Variants in KLHL36 observed in about 807,000 individuals in gnomAD.
KLHL36 encodes kelch-like protein 36.
Under a neutral mutation model 53.3 loss-of-function variants are expected in KLHL36, and 35 were observed. The observed-to-expected ratio is 0.66, with a 90% confidence interval of 0.50 to 0.87. KLHL36 has a LOEUF of 0.87. Ranked by LOEUF, KLHL36 falls within the 40% of genes least tolerant of loss-of-function variation. KLHL36 has a pLI of 0.00. For synonymous variants in KLHL36, 472 were observed against 398.9 expected (o/e 1.18, Z -2.18); for missense variants, 864 against 897.6 (o/e 0.96, Z 0.48).
chr16:84,650,158 A>G (rs967703421), intron 1 of KLHL36, among the ~76,000 whole-genome samples: 5 of 152,164 alleles, frequency 3.3e-5, no homozygotes, highest in African/African-American at 1.2e-4. Context: ...CTCCAGTCAC[A>G]GTGCTGGCCT....
rs767379075 is a variant in KLHL36 at position 84,661,908 on chromosome 16, A to G, written c.1626A>G (p.Ala542=). The G allele has an allele frequency of 5.0e-6, 8 of 1,599,034 alleles. No homozygotes were observed. The South Asian group carries it at 5.5e-5, about 11-fold the overall frequency. Residue 542 remains alanine, a synonymous_variant, in exon 5 of 5, where the codon GCA becomes GCG. Transcript: ENST00000564996. The surrounding 1 kb of genome is among the most constrained non-coding windows in gnomAD (Gnocchi z 7.9). The part of the protein sequence containing the change: ...LLHANSESGV[A]VWEGRIYILG... Reference sequence around the variant, plus strand: ...ACGCCAACAGCGAGTCGGGCGTGGCAGTGTGGGAGGGCCGCATCTACATCC... The same window carrying G: ...ACGCCAACAGCGAGTCGGGCGTGGCGGTGTGGGAGGGCCGCATCTACATCC...
chr16:84,661,919 G>A lies in KLHL36; in HGVS notation c.1637G>A (p.Gly546Asp). Residue 546 changes from glycine (G) to aspartate (D), a missense_variant, in exon 5 of 5, where the codon GGC (glycine) becomes GAC (aspartate). Coordinates refer to ENST00000564996, the MANE Select transcript of KLHL36 (RefSeq NM_024731.4). The surrounding 1 kb of genome is among the most constrained non-coding windows in gnomAD (Gnocchi z 7.9). ...GAGTCGGGCGTGGCAGTGTGGGAGG[G>A]CCGCATCTACATCCTGGGCGGCTAC... ...NSESGVAVWE[G>D]RIYILGGYSW... 1 of 1,601,040 alleles carries A rather than the reference G, an allele frequency of 6.2e-7. No homozygotes were observed. Among genetic ancestry groups the A allele is most frequent in the Non-Finnish European group, 8.5e-7 (1 of 1,172,642 alleles).
Position 84,663,069 on chromosome 16 carries a change from G to A in KLHL36, c.*936G>A, listed in dbSNP as rs1907653500. ...GCTATGGAATTTGCCATCGTTCTCT[G>A]TGACTCTATCTTGAGGCGCTGTTGA... On this transcript the variant is annotated 3_prime_UTR_variant, in exon 5 of 5. Coordinates refer to ENST00000564996, the MANE Select transcript of KLHL36 (RefSeq NM_024731.4). The A allele has an allele frequency of 6.6e-6, 1 of 151,462 alleles. No homozygotes were observed. Among genetic ancestry groups the A allele is most frequent in the African/African-American group, 2.4e-5 (1 of 41,142 alleles). 9.4% of individuals were successfully genotyped at this position (151,462 alleles called of 1,614,324 possible).
rs1468261900 is a variant in KLHL36 at position 84,661,883 on chromosome 16, A to G, written c.1601A>G (p.His534Arg). Residue 534 changes from histidine (H) to arginine (R), a missense_variant, in exon 5 of 5, where the codon CAC (histidine) becomes CGC (arginine). Physicochemically the swap from His to Arg is conservative, Grantham distance 29. Coordinates refer to ENST00000564996, the MANE Select transcript of KLHL36 (RefSeq NM_024731.4). This position sits in a 1 kb window ranked among gnomAD's most constrained non-coding sequence, Gnocchi z 7.9. ...TGGACCCGCGTGGCGCCGCTGCTGC[A>G]CGCCAACAGCGAGTCGGGCGTGGCA... is the stretch of plus-strand genomic sequence containing the variant. Reference protein sequence around the residue: ...NQWTRVAPLLHANSESGVAVW... With the variant: ...NQWTRVAPLLRANSESGVAVW... The G allele has an allele frequency of 1.6e-5, 26 of 1,600,664 alleles. No individual in the cohort carries two copies. Among genetic ancestry groups the G allele is most frequent in the Non-Finnish European group, 2.1e-5 (25 of 1,170,042 alleles).
chr16:84,649,361 T>C (rs1906682017), intron 1 of KLHL36: 1 of 152,400 alleles, frequency 6.6e-6, no homozygotes, highest in African/African-American at 2.4e-5. Flanking sequence ...TTAGAAGGCC[T>C]GGTTGATTCT....
In KLHL36 at chr16:84,666,457, C is replaced by G. The variant is rs1171108078; in HGVS notation, c.*4324C>G. The G allele has an allele frequency of 3.3e-5, 5 of 152,190 alleles. No individual in the cohort carries two copies. Among genetic ancestry groups the G allele is most frequent in the Non-Finnish European group, 7.3e-5 (5 of 68,068 alleles). 9.4% of individuals were successfully genotyped at this position (152,190 alleles called of 1,614,324 possible). A position where few individuals can be genotyped will look rare whatever the true frequency, so the allele number is the denominator to read the frequency against. On this transcript the variant is annotated 3_prime_UTR_variant, in exon 5 of 5. Transcript: ENST00000564996. ...CTCATTTGCCAAGAGGAAACCTTAA[C>G]CCCCCTGAGAGGGTCTGCGTTTCTT...
At position 84,663,967 on chromosome 16, in the gene KLHL36, A is replaced by G. The variant is rs1907700310; in HGVS notation, c.*1834A>G. 6.6e-6 allele frequency: 1 copy of G among 152,180 alleles called. No homozygotes were observed. The highest frequency in any genetic ancestry group is 1.5e-5 in the Non-Finnish European group (1 of 68,054). 9.4% of individuals were successfully genotyped at this position (152,180 alleles called of 1,614,324 possible). On this transcript the variant is annotated 3_prime_UTR_variant, in exon 5 of 5. Transcript: ENST00000564996. ...GTCCCTGGAGGCTTACAAACTGTTGAGAGGTTCTGCGAGGCATACAAACAA... is the reference window on the plus strand; with the variant it reads ...GTCCCTGGAGGCTTACAAACTGTTGGGAGGTTCTGCGAGGCATACAAACAA...
rs1907546462 is a variant in KLHL36 at position 84,661,547 on chromosome 16, C to T, written c.1296-31C>T. On this transcript the variant is annotated intron_variant, in intron 4 of 4. Coordinates refer to ENST00000564996, the MANE Select transcript of KLHL36 (RefSeq NM_024731.4). The surrounding 1 kb of genome is among the most constrained non-coding windows in gnomAD (Gnocchi z 7.9). The stretch of plus-strand genomic sequence containing the variant: ...GGTAAGCCTGGCACAGCCCTGAGCT[C>T]TCCCTCTGTCTCTGCCCGTCGACCC... The T allele has an allele frequency of 1.3e-6, 2 of 1,547,790 alleles. No individual in the cohort carries two copies. Among genetic ancestry groups the T allele is most frequent in the Non-Finnish European group, 1.7e-6 (2 of 1,143,040 alleles).
chr16:84,662,217 A>G lies in KLHL36; in HGVS notation c.*84A>G. 2.5e-6 allele frequency: 3 copies of G among 1,216,986 alleles called. No individual in the cohort carries two copies. Among genetic ancestry groups the G allele is most frequent in the Non-Finnish European group, 3.3e-6 (3 of 899,222 alleles). The allele number at this position is 1,216,986 out of a possible 1,614,324, so 75.4% of individuals were successfully genotyped here. Reference sequence around the variant, plus strand: ...GCAGCAACTTCTTAGTATTCCGGAAACATTATGTACAACTTAGCAGCTTTT... The same window carrying G: ...GCAGCAACTTCTTAGTATTCCGGAAGCATTATGTACAACTTAGCAGCTTTT... On this transcript the variant is annotated 3_prime_UTR_variant, in exon 5 of 5. Coordinates refer to ENST00000564996, the MANE Select transcript of KLHL36 (RefSeq NM_024731.4).
rs1304256169 is a variant in KLHL36, at chr16:84,664,699, G to T, written c.*2566G>T. On this transcript the variant is annotated 3_prime_UTR_variant, in exon 5 of 5. Coordinates refer to ENST00000564996, the MANE Select transcript of KLHL36 (RefSeq NM_024731.4). ...TGTGACAAGAAAGGTTTTTGAGCTT[G>T]TTGGGGTCAGTGGATGGGCACAAGG... 1 of 152,238 alleles carries T rather than the reference G, an allele frequency of 6.6e-6. No individual in the cohort carries two copies. Among genetic ancestry groups the T allele is most frequent in the Non-Finnish European group, 1.5e-5 (1 of 68,052 alleles). The allele number at this position is 152,238 out of a possible 1,614,324, so 9.4% of individuals were successfully genotyped here.
chr16:84,651,010 C>A, intron 2 of KLHL36, 80 bp downstream of exon 2: 4 of 1,223,142 alleles, frequency 3.3e-6, no homozygotes, highest in Non-Finnish European at 4.7e-6. Flanking sequence ...TTTCTAATCA[C>A]AGACTGATTT....
chr16:84,653,000 G>T (rs9941047), intron 2 of KLHL36, among the ~76,000 whole-genome samples: 1 of 151,742 alleles, frequency 6.6e-6, no homozygotes, highest in Non-Finnish European at 1.5e-5. Context: ...GGAGGATCTC[G>T]TAAGCTCGGA....
chr16:84,652,459 C>A (rs186047148), intron 2 of KLHL36, among the ~76,000 whole-genome samples: 1 of 152,102 alleles, frequency 6.6e-6, no homozygotes, highest in Non-Finnish European at 1.5e-5. Flanking sequence ...TTAGTAGAGA[C>A]GGGGTTTCAC....
At chr16:84,660,455 T>C (rs1344592152) in intron 4 of KLHL36, among the ~76,000 whole-genome samples, 1 of 152,138 alleles carries the variant, frequency 6.6e-6, no homozygotes, top group African/African-American at 2.4e-5. Flanking sequence ...TGCGTTCCGA[T>C]GTGCATGTAT....
At position 84,661,429 on chromosome 16, in the gene KLHL36, A is replaced by G. The variant is rs1423098309; in HGVS notation, c.1296-149A>G. Reference sequence around the variant, plus strand: ...TGCCATTTCTTTGCTAATGACGGCTACTGTCTATAGAGTGTTCATGGGGTG... The same window carrying G: ...TGCCATTTCTTTGCTAATGACGGCTGCTGTCTATAGAGTGTTCATGGGGTG... On this transcript the variant is annotated intron_variant, in intron 4 of 4. Coordinates refer to ENST00000564996, the MANE Select transcript of KLHL36 (RefSeq NM_024731.4). This position sits in a 1 kb window ranked among gnomAD's most constrained non-coding sequence, Gnocchi z 7.9. 5.7e-6 allele frequency: 4 copies of G among 705,102 alleles called. No homozygotes were observed. Among genetic ancestry groups the G allele is most frequent in the Non-Finnish European group, 6.8e-6 (3 of 443,888 alleles). The allele number at this position is 705,102 out of a possible 1,614,324, so 43.7% of individuals were successfully genotyped here.
At chr16:84,649,430 C>G (rs1217464001) in intron 1 of KLHL36, 2 of 152,348 alleles carry the variant, frequency 1.3e-5, no homozygotes, top group Non-Finnish European at 2.9e-5. Context: ...GTTCTGTGAC[C>G]TTGGGCAACC....
chr16:84,652,643 C>A (rs896900938), intron 2 of KLHL36, among the ~76,000 whole-genome samples: 2 of 152,148 alleles, frequency 1.3e-5, no homozygotes, highest in African/African-American at 4.8e-5. Context: ...TTGCCAGCAC[C>A]CAGATGGGTA....
chr16:84,661,559 C>G lies in KLHL36; in HGVS notation c.1296-19C>G, dbSNP rs1372743619. The G allele has an allele frequency of 3.2e-6, 5 of 1,557,564 alleles. No individual in the cohort carries two copies. Among genetic ancestry groups the G allele is most frequent in the Admixed American group, 1.8e-5 (1 of 55,792 alleles). ...ACAGCCCTGAGCTCTCCCTCTGTCT[C>G]TGCCCGTCGACCCTGCAGGTTCACG... On this transcript the variant is annotated intron_variant, in intron 4 of 4. Transcript: ENST00000564996. This position sits in a 1 kb window ranked among gnomAD's most constrained non-coding sequence, Gnocchi z 7.9.
At position 84,662,410 on chromosome 16, in the gene KLHL36, G is replaced by T; in HGVS notation, c.*277G>T. ...GTGTTATGATTCCTCATGGGTCCTT[G>T]CTGACTGTCCCCCTGAGAGTAGCTG... On this transcript the variant is annotated 3_prime_UTR_variant, in exon 5 of 5. Transcript: ENST00000564996. 1 of 306,660 alleles carries T rather than the reference G, an allele frequency of 3.3e-6. No individual in the cohort carries two copies. Among genetic ancestry groups the T allele is most frequent in the South Asian group, 9.0e-5 (1 of 11,066 alleles). The allele number at this position is 306,660 out of a possible 1,614,324, so 19.0% of individuals were successfully genotyped here.
Sources: allele counts gnomAD v4.1 joint callset (sites outside exome capture counted in the v4.1 genomes callset), GRCh38; gene constraint gnomAD v4.1.1; non-coding constraint Gnocchi (gnomAD v3.1); transcripts MANE v1.5; gene names NCBI Gene and HGNC (gene_info 2026-07-23, HGNC 2026-07-21).